NKIRAS1: variants seen among roughly 807,000 people sequenced by gnomAD.
NKIRAS1 encodes NFKB inhibitor interacting Ras like 1.
In NKIRAS1, 16 loss-of-function variants were observed where a neutral mutation model predicts 19.8. That is an observed-to-expected ratio of 0.81 (90% CI 0.55 to 1.23). The LOEUF (loss-of-function observed/expected upper bound fraction) is 1.23. Ranked by LOEUF, NKIRAS1 falls within the 50% of genes most tolerant of loss-of-function variation. The pLI is 0.00. For synonymous variants in NKIRAS1, 88 were observed against 79.0 expected, an observed-to-expected ratio of 1.11 and a Z score of -0.61; for missense variants, 184 against 220.0, an observed-to-expected ratio of 0.84 and a Z score of 1.04.
At chr3:23,937,258 C>T (rs1255885861) in intron 1 of NKIRAS1, among the ~76,000 whole-genome samples, 2 of 151,948 alleles carry the variant, frequency 1.3e-5, no homozygotes, top group Non-Finnish European at 2.9e-5. Context: ...GTAGTCCCAG[C>T]TACTCGGTAG....
intron 1 of NKIRAS1, among the ~76,000 whole-genome samples, chr3:23,928,098 C>T (rs892743410): frequency 1.1e-5 from 1 of 90,066 alleles, no homozygotes; most frequent in Non-Finnish European, 2.1e-5. Flanking sequence ...TCTCTCTACA[C>T]ACCACACACA....
intron 1 of NKIRAS1, among the ~76,000 whole-genome samples, chr3:23,942,047 C>CA (rs1300586553): frequency 6.6e-6 from 1 of 151,896 alleles, no homozygotes; most frequent in Non-Finnish European, 1.5e-5. Flanking sequence ...GGCATGATCT[C>CA]AGCTTACGAT....
chr3:23,890,367 T>C lies in NKIRAS1; in HGVS notation c.*2728A>G, dbSNP rs1701366825. 1.5e-6 allele frequency: 1 copy of C among 655,474 alleles called. No homozygotes were observed. The highest frequency in any genetic ancestry group is 2.5e-6 in the Non-Finnish European group (1 of 400,044). 40.6% of individuals were successfully genotyped at this position (655,474 alleles called of 1,614,324 possible). On this transcript the variant is annotated 3_prime_UTR_variant, in exon 5 of 5. Coordinates refer to ENST00000425478, the MANE Select transcript of NKIRAS1 (RefSeq NM_020345.4). ...TTTTTGAAATTTTGATGGAAAAATA[T>C]CCAGCATGGTGGAGTGGTGTTTCGA...
intron 3 of NKIRAS1, among the ~76,000 whole-genome samples, chr3:23,909,856 T>G (rs1259634678): frequency 3.4e-5 from 4 of 116,974 alleles, no homozygotes; most frequent in Non-Finnish European, 7.9e-5. Flanking sequence ...TTGTTTTTGT[T>G]TTTTTTTGTT....
In NKIRAS1 at chr3:23,896,912, A is replaced by G. The variant is rs576983601; in HGVS notation, c.337-3575T>C. Among the ~76,000 whole-genome samples, 30 of 152,278 alleles carry G rather than the reference A, an allele frequency of 2.0e-4. No homozygotes were observed. In the East Asian group the frequency reaches 5.8e-3, roughly 29 times the overall value. On this transcript the variant is annotated intron_variant, in intron 4 of 4. Coordinates refer to ENST00000425478, the MANE Select transcript of NKIRAS1 (RefSeq NM_020345.4). ...GATAGTATGCCACCTGGTGTGAGAA[A>G]GGGAAAAAAGGCTAGGCACACGGTG...
Position 23,946,266 on chromosome 3 carries a change from C to G in NKIRAS1, c.-140+57G>C, listed in dbSNP as rs891648029. On this transcript the variant is annotated intron_variant, in intron 1 of 4. Coordinates refer to the NKIRAS1 transcript ENST00000421515. ...CTCTTTTCGCGAGGTGACCCCAAGG[C>G]GCGGACCCCGCGCAAACCAAACGAA... 2.8e-4 allele frequency: 280 copies of G among 985,484 alleles called. 1 individual carries two copies. The highest frequency in any genetic ancestry group is 5.2e-4 in the South Asian group (11 of 21,288). The allele number at this position is 985,484 out of a possible 1,614,324, so 61.0% of individuals were successfully genotyped here.
chr3:23,896,662 A>G (rs1042733040), intron 4 of NKIRAS1, among the ~76,000 whole-genome samples: 3 of 149,714 alleles, frequency 2.0e-5, no homozygotes, highest in African/African-American at 7.4e-5. Flanking sequence ...ATTATACATT[A>G]GTTACCAAGA....
intron 1 of NKIRAS1, among the ~76,000 whole-genome samples, chr3:23,936,609 C>A (rs914247883): frequency 3.9e-5 from 6 of 151,940 alleles, no homozygotes; most frequent in Admixed American, 3.3e-4. Context: ...TGCAGTGGTG[C>A]GATCTCGGCT....
chr3:23,899,638 T>C (rs562899795), intron 4 of NKIRAS1, among the ~76,000 whole-genome samples: 3 of 152,306 alleles, frequency 2.0e-5, no homozygotes, highest in African/African-American at 4.8e-5. Context: ...AACTATCATG[T>C]TGAAAAAACA....
At position 23,892,966 on chromosome 3, in the gene NKIRAS1, T is replaced by A; in HGVS notation, c.*129A>T. 1.1e-6 allele frequency: 1 copy of A among 911,496 alleles called. No homozygotes were observed. Among genetic ancestry groups the A allele is most frequent in the South Asian group, 2.7e-5 (1 of 37,064 alleles). 56.5% of individuals were successfully genotyped at this position (911,496 alleles called of 1,614,324 possible). ...AACATCTAAAGTGCATTAATTGACT[T>A]CCTTAGGAATTTTCCTAAGGACCAA... On this transcript the variant is annotated 3_prime_UTR_variant, in exon 5 of 5. Transcript: ENST00000425478.
At chr3:23,905,536 A>T (rs1702933643) in intron 3 of NKIRAS1, among the ~76,000 whole-genome samples, 1 of 152,210 alleles carries the variant, frequency 6.6e-6, no homozygotes, top group Non-Finnish European at 1.5e-5. Context: ...AAAATGTATC[A>T]CGTATATTTT....
intron 3 of NKIRAS1, among the ~76,000 whole-genome samples, chr3:23,903,384 G>C (rs1702707901): frequency 6.6e-6 from 1 of 152,136 alleles, no homozygotes; most frequent in Non-Finnish European, 1.5e-5. Flanking sequence ...CAAAGTGCTA[G>C]GATTACAGGC....
chr3:23,918,853 C>CT (rs1384517847), upstream of NKIRAS1: 9 of 503,960 alleles, frequency 1.8e-5, no homozygotes, highest in African/African-American at 1.3e-4. Flanking sequence ...AAAATATATA[C>CT]TAAATATTTT....
rs1194555358 is a variant in NKIRAS1 at position 23,891,576 on chromosome 3, G to A, written c.*1519C>T. ...AAGCATTTTCTGACTTGCAGATGCT[G>A]TAGTAGCAAGTACATGAGAAATGGG... On this transcript the variant is annotated 3_prime_UTR_variant, in exon 5 of 5. Coordinates refer to ENST00000425478, the MANE Select transcript of NKIRAS1 (RefSeq NM_020345.4). The A allele has an allele frequency of 6.6e-6, 1 of 152,184 alleles. No individual in the cohort carries two copies. The highest frequency in any genetic ancestry group is 1.5e-5 in the Non-Finnish European group (1 of 68,026). The allele number at this position is 152,184 out of a possible 1,614,324, so 9.4% of individuals were successfully genotyped here.
In NKIRAS1 at chr3:23,890,689, A is replaced by G. The variant is rs772392150; in HGVS notation, c.*2406T>C. 9.8e-5 allele frequency: 117 copies of G among 1,190,262 alleles called. No individual in the cohort carries two copies. Among genetic ancestry groups the G allele is most frequent in the Non-Finnish European group, 1.1e-4 (95 of 841,654 alleles). The allele number at this position is 1,190,262 out of a possible 1,614,324, so 73.7% of individuals were successfully genotyped here. ...TTTTGAAGGGGTCAGGGAGGGTGGG[A>G]GTTGGTAAAGAGTAGGGTATTTCTA... On this transcript the variant is annotated 3_prime_UTR_variant, in exon 5 of 5. Transcript: ENST00000425478.
chr3:23,916,609 G>A (rs1291860723), intron 1 of NKIRAS1, 175 bp downstream of exon 1: 32 of 152,312 alleles, frequency 2.1e-4, no homozygotes, highest in Admixed American at 1.9e-3. Flanking sequence ...GCGACGCCCC[G>A]ACTCCGCGAA....
intron 4 of NKIRAS1, among the ~76,000 whole-genome samples, chr3:23,896,824 A>G (rs1559501485): frequency 6.6e-6 from 1 of 152,000 alleles, no homozygotes; most frequent in African/African-American, 2.4e-5. Flanking sequence ...AAAAAAAAAA[A>G]AAATCTGGGT....
chr3:23,941,915 T>C (rs1705504973), intron 1 of NKIRAS1, among the ~76,000 whole-genome samples: 1 of 152,222 alleles, frequency 6.6e-6, no homozygotes, highest in African/African-American at 2.4e-5. Context: ...CATTCTTCTT[T>C]TCAAATTTAA....
At chr3:23,934,731 CAATG>C (rs1705364652) in intron 1 of NKIRAS1, among the ~76,000 whole-genome samples, 1 of 152,002 alleles carries the variant, frequency 6.6e-6, no homozygotes, top group African/African-American at 2.4e-5. Context: ...ACACTAACCA[CAATG>C]GTGATTATTC....
Sources: gnomAD v4.1 joint callset for allele counts (sites outside exome capture counted in the v4.1 genomes callset) on GRCh38, gnomAD v4.1.1 for gene constraint, MANE v1.5 for transcripts, NCBI Gene and HGNC (gene_info 2026-07-23, HGNC 2026-07-21) for gene names.